MLIP: variants seen among roughly 807,000 people sequenced by gnomAD.
The protein encoded by MLIP is muscular LMNA-interacting protein.
MLIP carries 79 observed loss-of-function variants against 84.8 expected under a neutral mutation model. The observed-to-expected ratio is 0.93, with a 90% CI of 0.78 to 1.12. The LOEUF (loss-of-function observed/expected upper bound fraction) is 1.12. Among genes scored for constraint, MLIP ranks in the 50% most tolerant of loss-of-function variants. The pLI is 0.00. For missense variants in MLIP, 1,257 were observed against 1,160.6 expected, an observed-to-expected ratio of 1.08 and a Z score of -1.21; for synonymous variants, 504 against 463.0, an observed-to-expected ratio of 1.09 and a Z score of -1.14.
intron 1 of MLIP, among the ~76,000 whole-genome samples, chr6:54,093,537 G>A (rs530682410): frequency 6.6e-6 from 1 of 152,144 alleles, no homozygotes; most frequent in African/African-American, 2.4e-5. Flanking sequence ...TGTTGTCTAA[G>A]GTCAAAAAGC....
At chr6:54,207,313 T>C (rs1424579346) in intron 11 of MLIP, among the ~76,000 whole-genome samples, 1 of 152,162 alleles carries the variant, frequency 6.6e-6, no homozygotes, top group Non-Finnish European at 1.5e-5. Flanking sequence ...TATATCTTTT[T>C]TAAAAATTGT....
At chr6:54,141,311 C>CTTTTTTTT (rs1772278169) in intron 4 of MLIP, among the ~76,000 whole-genome samples, 10 of 84,978 alleles carry the variant, frequency 1.2e-4, no homozygotes, top group South Asian at 3.0e-4. Context: ...GCTCAGCCTG[C>CTTTTTTTT]CTTTTTTTTT....
intron 12 of MLIP, among the ~76,000 whole-genome samples, chr6:54,238,885 A>G (rs1191602279): frequency 6.6e-6 from 1 of 152,178 alleles, no homozygotes; most frequent in Admixed American, 6.5e-5. Flanking sequence ...TTAGTTTTCT[A>G]AAAATGCATG....
intron 11 of MLIP, among the ~76,000 whole-genome samples, chr6:54,224,651 T>C (rs1780453731): frequency 6.6e-6 from 1 of 152,124 alleles, no homozygotes; most frequent in Admixed American, 6.5e-5. Flanking sequence ...AGTTCTTTAG[T>C]GGTGATTTGT....
chr6:54,131,154 A>G (rs970668009), intron 3 of MLIP, among the ~76,000 whole-genome samples: 3 of 152,280 alleles, frequency 2.0e-5, no homozygotes, highest in South Asian at 2.1e-4. Context: ...TGGCTTCACA[A>G]ATTTACCTAT....
intron 13 of MLIP, among the ~76,000 whole-genome samples, chr6:54,258,698 T>C (rs955116187): frequency 6.6e-6 from 1 of 152,072 alleles, no homozygotes; most frequent in Non-Finnish European, 1.5e-5. Context: ...AACAGTGTTA[T>C]GCACTTTGTT....
chr6:54,118,145 C>T (rs891945604), intron 1 of MLIP, among the ~76,000 whole-genome samples: 2 of 152,332 alleles, frequency 1.3e-5, no homozygotes, highest in African/African-American at 4.8e-5. Flanking sequence ...ATACCAATGA[C>T]ATTCTTCACA....
At chr6:54,027,474 T>C (rs1273398958) in intron 1 of MLIP, among the ~76,000 whole-genome samples, 2 of 152,106 alleles carry the variant, frequency 1.3e-5, no homozygotes, top group African/African-American at 2.4e-5. Flanking sequence ...GTTTCTTTTA[T>C]TCATTCTCTT....
intron 1 of MLIP, among the ~76,000 whole-genome samples, chr6:54,055,663 C>A (rs1561897156): frequency 6.7e-6 from 1 of 150,060 alleles, no homozygotes; most frequent in Non-Finnish European, 1.5e-5. Context: ...ATAAAATAAA[C>A]AAAAATATAA....
chr6:54,086,612 G>A (rs955155624), intron 1 of MLIP, among the ~76,000 whole-genome samples: 5 of 152,080 alleles, frequency 3.3e-5, no homozygotes, highest in Non-Finnish European at 5.9e-5. Context: ...GCCAAAGTCC[G>A]TTATAGTGGC....
At chr6:54,116,352 T>C (rs1769919704) in intron 1 of MLIP, among the ~76,000 whole-genome samples, 3 of 152,170 alleles carry the variant, frequency 2.0e-5, no homozygotes. Flanking sequence ...AATTGGTTTT[T>C]GGAAAGATAA....
chr6:54,149,207 G>C, intron 5 of MLIP, 80 bp downstream of exon 5: 1 of 1,305,030 alleles, frequency 7.7e-7, no homozygotes, highest in South Asian at 1.3e-5. Flanking sequence ...CTGTTGGGAA[G>C]ATTTCTGTTT....
chr6:54,123,277 C>T (rs1235709022), intron 2 of MLIP, among the ~76,000 whole-genome samples: 1 of 152,170 alleles, frequency 6.6e-6, no homozygotes, highest in East Asian at 1.9e-4. Context: ...ATATGTTATT[C>T]TCTTGATGAT....
intron 11 of MLIP, among the ~76,000 whole-genome samples, chr6:54,227,391 A>T (rs1404615976): frequency 6.6e-6 from 1 of 152,214 alleles, no homozygotes; most frequent in African/African-American, 2.4e-5. Context: ...TATCTAAAAA[A>T]GTCCAACATC....
intron 11 of MLIP, chr6:54,215,108 T>C (rs544143506): frequency 8.2e-5 from 122 of 1,480,508 alleles, no homozygotes; most frequent in Non-Finnish European, 1.1e-4. Context: ...GCTGTGTACT[T>C]CCTCACTAAA....
intron 1 of MLIP, among the ~76,000 whole-genome samples, chr6:54,077,627 C>T (rs564018999): frequency 5.3e-5 from 8 of 152,158 alleles, no homozygotes; most frequent in Non-Finnish European, 7.3e-5. Flanking sequence ...ACTGAACCCT[C>T]TGTAGAATTT....
intron 1 of MLIP, among the ~76,000 whole-genome samples, chr6:54,037,851 A>T (rs1242106351): frequency 6.6e-6 from 1 of 151,940 alleles, no homozygotes; most frequent in Admixed American, 6.6e-5. Context: ...GATGCCCTCC[A>T]GTTGTGGGGT....
intron 11 of MLIP, among the ~76,000 whole-genome samples, chr6:54,224,708 A>G (rs1780458152): frequency 3.3e-5 from 5 of 151,682 alleles, no homozygotes; most frequent in Admixed American, 3.3e-4. Flanking sequence ...CTGCACCATT[A>G]TATGTTGTCT....
chr6:54,121,550 T>C lies in MLIP; in HGVS notation c.200T>C (p.Leu67Pro). The C allele has an allele frequency of 6.2e-7, 1 of 1,613,846 alleles. No individual in the cohort carries two copies. Among genetic ancestry groups the C allele is most frequent in the Non-Finnish European group, 8.5e-7 (1 of 1,179,804 alleles). ...CAGTTGGCTGACACCTCTAAATTCC[T>C]TGTTAAAATTCCAGAAGAATCAAGT... ...HTQLADTSKF[L>P]VKIPEESSDK... The change falls in exon 2 of 14, where the codon CTT becomes CCT. Residue 67 changes from leucine (L) to proline (P), a missense_variant. By Grantham distance (98) the Leu-to-Pro change is moderately conservative. Transcript: ENST00000502396.
Sources: allele counts gnomAD v4.1 joint callset (sites outside exome capture counted in the v4.1 genomes callset), GRCh38; gene constraint gnomAD v4.1.1; transcripts MANE v1.5; gene names NCBI Gene and HGNC (gene_info 2026-07-23, HGNC 2026-07-21).